Variants in DPYSL5 observed in about 807,000 individuals in gnomAD.
DPYSL5 encodes the protein dihydropyrimidinase like 5.
In DPYSL5, 9 loss-of-function variants were observed where a neutral mutation model predicts 58.4. The observed-to-expected ratio is 0.15, with a 90% CI of 0.09 to 0.27. DPYSL5 has a LOEUF of 0.27. Ranked by LOEUF, DPYSL5 falls within the 10% of genes least tolerant of loss-of-function variation. The probability of loss-of-function intolerance (pLI) is 1.00; values close to 1 mark genes in which losing one functional copy is unlikely to be tolerated. For synonymous variants in DPYSL5, 293 were observed against 301.9 expected (o/e 0.97, Z 0.31); for missense variants, 499 against 770.6 (o/e 0.65, Z 4.17).
At chr2:26,916,799 A>G (rs1338491212) in intron 2 of DPYSL5, among the ~76,000 whole-genome samples, 1 of 152,106 alleles carries the variant, frequency 6.6e-6, no homozygotes, top group Non-Finnish European at 1.5e-5. Context: ...GTAGTCTCAT[A>G]GTATTTTGAA....
At chr2:26,917,981 C>T (rs1664609949) in intron 2 of DPYSL5, among the ~76,000 whole-genome samples, 2 of 151,664 alleles carry the variant, frequency 1.3e-5, no homozygotes, top group African/African-American at 2.4e-5. Flanking sequence ...ACTAAAAATA[C>T]AAAAAATAAG....
In DPYSL5 at chr2:26,940,020, T is replaced by A; in HGVS notation, c.948-11T>A. Reference sequence around the variant, plus strand: ...CCTCCCCTTACTGGTCACCTCCTTTTCTCTACCCAGTGACACTCTGAACAT... The same window carrying A: ...CCTCCCCTTACTGGTCACCTCCTTTACTCTACCCAGTGACACTCTGAACAT... On this transcript the variant is annotated splice_polypyrimidine_tract_variant and intron_variant, in intron 8 of 12. Coordinates refer to ENST00000288699, the MANE Select transcript of DPYSL5 (RefSeq NM_020134.4). 1 of 1,614,084 alleles carries A rather than the reference T, an allele frequency of 6.2e-7. No homozygotes were observed. Among genetic ancestry groups the A allele is most frequent in the Non-Finnish European group, 8.5e-7 (1 of 1,179,988 alleles).
chr2:26,927,137 AC>A lies in DPYSL5; in HGVS notation c.421-114del. ...TGAGATAGAGAGGTGTGGGGGGTCA[AC>A]CGACAGACTGAGCTGGGGCAGGCCC... On this transcript the variant is annotated intron_variant, in intron 3 of 12. Coordinates refer to ENST00000288699, the MANE Select transcript of DPYSL5 (RefSeq NM_020134.4). The surrounding 1 kb of genome is among the most constrained non-coding windows in gnomAD (Gnocchi z 4.3). 4.5e-6 allele frequency: 5 copies of A among 1,110,236 alleles called. No homozygotes were observed. In the South Asian group the frequency reaches 8.1e-5, roughly 18 times the overall value. 68.8% of individuals were successfully genotyped at this position (1,110,236 alleles called of 1,614,324 possible).
intron 2 of DPYSL5, among the ~76,000 whole-genome samples, chr2:26,918,362 T>A (rs1263944347): frequency 6.6e-6 from 1 of 152,080 alleles, no homozygotes; most frequent in Non-Finnish European, 1.5e-5. Context: ...GTTGTTCACA[T>A]CCCATGGTGA....
At chr2:26,887,351 G>A (rs1328924578) in intron 1 of DPYSL5, among the ~76,000 whole-genome samples, 1 of 152,132 alleles carries the variant, frequency 6.6e-6, no homozygotes, top group Non-Finnish European at 1.5e-5. Flanking sequence ...AGCTCCAGAG[G>A]CCCCCAGCAT....
intron 8 of DPYSL5, among the ~76,000 whole-genome samples, chr2:26,937,308 G>C (rs1478882095): frequency 6.6e-6 from 1 of 151,922 alleles, no homozygotes; most frequent in Non-Finnish European, 1.5e-5. Context: ...TATGATAATA[G>C]TCTGAATCCC....
rs1665514357 is a variant in DPYSL5 at position 26,947,272 on chromosome 2, G to A, written c.*277G>A. 2 of 398,402 alleles carry A rather than the reference G, an allele frequency of 5.0e-6. No homozygotes were observed. The highest frequency in any genetic ancestry group is 9.4e-6 in the Non-Finnish European group (2 of 213,480). The allele number at this position is 398,402 out of a possible 1,614,324, so 24.7% of individuals were successfully genotyped here. Reference sequence around the variant, plus strand: ...CCAGGAAGCCCACACTATGCACAGAGCCCAATGCATAGAGCCCTGGCCAGC... The same window carrying A: ...CCAGGAAGCCCACACTATGCACAGAACCCAATGCATAGAGCCCTGGCCAGC... On this transcript the variant is annotated 3_prime_UTR_variant, in exon 13 of 13. Transcript: ENST00000288699. The surrounding 1 kb of genome is among the most constrained non-coding windows in gnomAD (Gnocchi z 4.2).
intron 1 of DPYSL5, among the ~76,000 whole-genome samples, chr2:26,876,677 G>A (rs949351612): frequency 1.1e-4 from 16 of 151,926 alleles, no homozygotes; most frequent in African/African-American, 3.9e-4. Flanking sequence ...CACCACGCCT[G>A]GCTAACTTTT....
chr2:26,873,043 TC>T (rs1021377473), intron 1 of DPYSL5, among the ~76,000 whole-genome samples: 4 of 152,200 alleles, frequency 2.6e-5, no homozygotes, highest in African/African-American at 9.6e-5. Context: ...GGTTTCCCTT[TC>T]CTAAACCATT....
chr2:26,932,193 A>AAGAC (rs1205086272), intron 6 of DPYSL5, among the ~76,000 whole-genome samples: 1,264 of 72,674 alleles, frequency 0.017, 30 homozygotes, highest in East Asian at 0.033. Flanking sequence ...GAAAGAAAGA[A>AAGAC]AGAAAGAAAG....
chr2:26,870,582 A>G (rs1663234135), intron 1 of DPYSL5, among the ~76,000 whole-genome samples: 2 of 152,050 alleles, frequency 1.3e-5, no homozygotes, highest in African/African-American at 2.4e-5. Flanking sequence ...GGCCATGCAC[A>G]TGGCTGTAAT....
At chr2:26,926,617 T>G (rs1444941103) in intron 3 of DPYSL5, among the ~76,000 whole-genome samples, 1 of 152,250 alleles carries the variant, frequency 6.6e-6, no homozygotes, top group Non-Finnish European at 1.5e-5. Context: ...TCATCCATGC[T>G]TTCACAGAGT....
intron 5 of DPYSL5, among the ~76,000 whole-genome samples, chr2:26,928,622 A>G (rs1480188560): frequency 1.3e-5 from 2 of 148,740 alleles, no homozygotes; most frequent in East Asian, 3.9e-4. Context: ...GGATCACCTG[A>G]GCCCAGGAGG....
chr2:26,940,044 A>G lies in DPYSL5; in HGVS notation c.961A>G (p.Ile321Val), dbSNP rs149845636. The change falls in exon 9 of 13, where the codon ATC becomes GTC. Residue 321 changes from isoleucine to valine, a missense_variant. This residue lies in a region of DPYSL5 where 404 missense variants were observed against 647.6 expected (regional missense o/e 0.62). Transcript: ENST00000288699. Reference protein sequence around the residue: ...MSLLANDTLNIVASDHRPFTT... With the variant: ...MSLLANDTLNVVASDHRPFTT... ...TTCTCTACCCAGTGACACTCTGAAC[A>G]TCGTGGCATCAGATCACCGGCCTTT... is the stretch of plus-strand genomic sequence containing the variant. 130 of 1,614,004 alleles carry G rather than the reference A, an allele frequency of 8.1e-5. No individual in the cohort carries two copies. The highest frequency in any genetic ancestry group is 5.0e-5 in the Admixed American group (3 of 59,998).
chr2:26,914,418 T>TG (rs1305190079), intron 2 of DPYSL5, among the ~76,000 whole-genome samples: 1 of 152,214 alleles, frequency 6.6e-6, no homozygotes, highest in African/African-American at 2.4e-5. Flanking sequence ...CATCTTTCCC[T>TG]GGGGGGTCCT....
chr2:26,934,517 C>T lies in DPYSL5; in HGVS notation c.791-61C>T, dbSNP rs1416631177. ...CTTCACCTGTAAAATGAGAGGCACA[C>T]ACCAGCGATCGCTCAGGTTCGGTGG... On this transcript the variant is annotated intron_variant, in intron 7 of 12. Transcript: ENST00000288699. The surrounding 1 kb of genome is among the most constrained non-coding windows in gnomAD (Gnocchi z 4.3). 4.2e-5 allele frequency: 65 copies of T among 1,565,604 alleles called. No homozygotes were observed. In the South Asian group the frequency reaches 4.8e-4, roughly 12 times the overall value.
intron 1 of DPYSL5, among the ~76,000 whole-genome samples, chr2:26,874,322 G>A (rs1663352045): frequency 6.6e-6 from 1 of 152,016 alleles, no homozygotes; most frequent in Non-Finnish European, 1.5e-5. Context: ...TGCTTTTTAT[G>A]TCCTAACCCA....
chr2:26,851,119 T>G (rs1665739948), intron 1 of DPYSL5, among the ~76,000 whole-genome samples: 1 of 152,120 alleles, frequency 6.6e-6, no homozygotes, highest in Non-Finnish European at 1.5e-5. Flanking sequence ...CAGTGAAGGT[T>G]TTTTCTTGTA....
At chr2:26,941,300 G>A (rs1665316801) in intron 9 of DPYSL5, among the ~76,000 whole-genome samples, 1 of 152,160 alleles carries the variant, frequency 6.6e-6, no homozygotes, top group Non-Finnish European at 1.5e-5. Flanking sequence ...TTTAGGCCAA[G>A]GGATGTGAAC....
Sources: gnomAD v4.1 joint callset for allele counts (sites outside exome capture counted in the v4.1 genomes callset) on GRCh38, gnomAD v4.1.1 for gene constraint, gnomAD v4.1.1 regional missense constraint, Gnocchi (gnomAD v3.1) non-coding constraint, MANE v1.5 for transcripts, NCBI Gene and HGNC (gene_info 2026-07-23, HGNC 2026-07-21) for gene names.